The following PANK4 variants were observed in gnomAD, a reference collection of about 807,000 sequenced individuals.
The protein encoded by PANK4 is 4'-phosphopantetheine phosphatase.
A neutral mutation model predicts 87.9 loss-of-function variants in PANK4; 40 were observed. The observed-to-expected ratio is 0.46, with a 90% CI of 0.35 to 0.59. PANK4 has a LOEUF of 0.59. Ranked by LOEUF, PANK4 falls within the 20% of genes least tolerant of loss-of-function variation. The pLI is 0.00. For synonymous variants in PANK4, 524 were observed against 467.4 expected (o/e 1.12, Z -1.56); for missense variants, 926 against 1,072.3 (o/e 0.86, Z 1.90).
rs1335611490 is a variant in PANK4, at chr1:2,517,018, C to T, written c.1218+1146G>A. ...ACAAGCGCCTCCTGAACGGGGCCCC[C>T]GAAGCACTGTGGCCGTCCACGCAGT... is the stretch of plus-strand genomic sequence containing the variant. On this transcript the variant is annotated intron_variant, in intron 9 of 18. Coordinates refer to ENST00000378466, the MANE Select transcript of PANK4 (RefSeq NM_018216.4). Among the ~76,000 whole-genome samples the T allele has an allele frequency of 3.9e-5, 6 of 152,218 alleles. 1 individual carries two copies. Among genetic ancestry groups the T allele is most frequent in the Non-Finnish European group, 8.8e-5 (6 of 68,034 alleles).
Position 2,510,441 on chromosome 1 carries a change from A to G in PANK4, c.1938+237T>C, listed in dbSNP as rs528509979. ...GCCTCCTTGCTGTGAGCACCCTTCCAGGAGCCTGGCGTCAACCCTGGGCTT... is the reference window on the plus strand; with the variant it reads ...GCCTCCTTGCTGTGAGCACCCTTCCGGGAGCCTGGCGTCAACCCTGGGCTT... On this transcript the variant is annotated intron_variant, in intron 16 of 18. Transcript: ENST00000378466. This position sits in a 1 kb window ranked among gnomAD's most constrained non-coding sequence, Gnocchi z 4.9. 1.0e-5 allele frequency: 6 copies of G among 596,714 alleles called. No individual in the cohort carries two copies. The highest frequency in any genetic ancestry group is 1.5e-5 in the Non-Finnish European group (5 of 335,202). The allele number at this position is 596,714 out of a possible 1,614,324, so 37.0% of individuals were successfully genotyped here. A position where few individuals can be genotyped will look rare whatever the true frequency, so the allele number is the denominator to read the frequency against.
At position 2,509,207 on chromosome 1, in the gene PANK4, C is replaced by G. The variant is rs891825232; in HGVS notation, c.2109-147G>C. ...TCCAAACCCAGCCTCCGCCTGGTAG[C>G]TGCCTCAGCCTGGGGCTTCCTCAGA... On this transcript the variant is annotated intron_variant, in intron 18 of 18. Transcript: ENST00000378466. This position sits in a 1 kb window ranked among gnomAD's most constrained non-coding sequence, Gnocchi z 4.9. 1.6e-6 allele frequency: 1 copy of G among 639,716 alleles called. No individual in the cohort carries two copies. Among genetic ancestry groups the G allele is most frequent in the Non-Finnish European group, 2.7e-6 (1 of 369,996 alleles). The allele number at this position is 639,716 out of a possible 1,614,324, so 39.6% of individuals were successfully genotyped here. A position where few individuals can be genotyped will look rare whatever the true frequency, so the allele number is the denominator to read the frequency against.
rs765919340 is a variant in PANK4 at position 2,510,717 on chromosome 1, G to A, written c.1899C>T (p.Val633=). The change falls in exon 16 of 19, where the codon GTC becomes GTT. Residue 633 remains valine, a synonymous_variant. Coordinates refer to ENST00000378466, the MANE Select transcript of PANK4 (RefSeq NM_018216.4). This position sits in a 1 kb window ranked among gnomAD's most constrained non-coding sequence, Gnocchi z 4.9. ...GGAGTAGCTCCCTGACAAAGGGGAA[G>A]ACTCCCAAAATGATGTCTATTCCAC... ...DNSGIDIILG[V]FPFVRELLLR... is the part of the protein sequence containing the mutation. 11 of 1,611,794 alleles carry A rather than the reference G, an allele frequency of 6.8e-6. No homozygotes were observed. The highest frequency in any genetic ancestry group is 9.3e-6 in the Non-Finnish European group (11 of 1,178,622).
intron 9 of PANK4, among the ~76,000 whole-genome samples, chr1:2,516,846 T>C (rs1233032137): frequency 6.6e-6 from 1 of 152,340 alleles, no homozygotes; most frequent in South Asian, 2.1e-4. Flanking sequence ...TCCTGACAAA[T>C]GGGTTCAAAT....
At chr1:2,513,518 C>T (rs949800355) in intron 12 of PANK4, among the ~76,000 whole-genome samples, 6 of 152,210 alleles carry the variant, frequency 3.9e-5, no homozygotes, top group Non-Finnish European at 5.9e-5. Context: ...AACGGACGCC[C>T]GGAAAGGCCC....
At chr1:2,516,470 C>T (rs777066556) in intron 9 of PANK4, among the ~76,000 whole-genome samples, 14 of 152,334 alleles carry the variant, frequency 9.2e-5, no homozygotes, top group East Asian at 5.8e-4. Context: ...GCTCTCTGCA[C>T]GCTCACCGCA....
Position 2,520,605 on chromosome 1 carries a change from C to G in PANK4, c.606+118G>C. On this transcript the variant is annotated intron_variant, in intron 4 of 18. Coordinates refer to ENST00000378466, the MANE Select transcript of PANK4 (RefSeq NM_018216.4). This position sits in a 1 kb window ranked among gnomAD's most constrained non-coding sequence, Gnocchi z 6.2. Reference sequence around the variant, plus strand: ...AGGCTCTGAGCTCACAGCCTCGCCACCCCCCTCCCGCCCACTGGGCCCCAT... The same window carrying G: ...AGGCTCTGAGCTCACAGCCTCGCCAGCCCCCTCCCGCCCACTGGGCCCCAT... 1 of 1,129,120 alleles carries G rather than the reference C, an allele frequency of 8.9e-7. No homozygotes were observed. The highest frequency in any genetic ancestry group is 1.3e-6 in the Non-Finnish European group (1 of 770,070). 69.9% of individuals were successfully genotyped at this position (1,129,120 alleles called of 1,614,324 possible). A position where few individuals can be genotyped will look rare whatever the true frequency, so the allele number is the denominator to read the frequency against.
Position 2,515,523 on chromosome 1 carries a change from C to G in PANK4, c.1374+39G>C. ...GAGCCTTGGAAGGTTAACCCGGCTGCGGCCTTGGAATCGTCTAGACGGCAC... is the reference window on the plus strand; with the variant it reads ...GAGCCTTGGAAGGTTAACCCGGCTGGGGCCTTGGAATCGTCTAGACGGCAC... On this transcript the variant is annotated intron_variant, in intron 10 of 18. Transcript: ENST00000378466. This position sits in a 1 kb window ranked among gnomAD's most constrained non-coding sequence, Gnocchi z 5.0. 6.2e-7 allele frequency: 1 copy of G among 1,604,088 alleles called. No homozygotes were observed. The highest frequency in any genetic ancestry group is 8.5e-7 in the Non-Finnish European group (1 of 1,172,838).
At position 2,510,487 on chromosome 1, in the gene PANK4, T is replaced by A. The variant is rs540923630; in HGVS notation, c.1938+191A>T. 3 of 608,566 alleles carry A rather than the reference T, an allele frequency of 4.9e-6. No individual in the cohort carries two copies. Among genetic ancestry groups the A allele is most frequent in the South Asian group, 3.9e-5 (2 of 51,340 alleles). 37.7% of individuals were successfully genotyped at this position (608,566 alleles called of 1,614,324 possible). A position where few individuals can be genotyped will look rare whatever the true frequency, so the allele number is the denominator to read the frequency against. On this transcript the variant is annotated intron_variant, in intron 16 of 18. Transcript: ENST00000378466. This position sits in a 1 kb window ranked among gnomAD's most constrained non-coding sequence, Gnocchi z 4.9. ...GGCTTCAGCACATGGACCCTCAGCCTGAGCCCAGGGGGCTCGGAGCCTCCA... is the reference window on the plus strand; with the variant it reads ...GGCTTCAGCACATGGACCCTCAGCCAGAGCCCAGGGGGCTCGGAGCCTCCA...
In PANK4 at chr1:2,514,213, T is replaced by C; in HGVS notation, c.1488-124A>G. 3.6e-6 allele frequency: 4 copies of C among 1,123,784 alleles called. No homozygotes were observed. The East Asian group carries it at 7.1e-5, about 20-fold the overall frequency. The allele number at this position is 1,123,784 out of a possible 1,614,324, so 69.6% of individuals were successfully genotyped here. On this transcript the variant is annotated intron_variant, in intron 11 of 18. Coordinates refer to ENST00000378466, the MANE Select transcript of PANK4 (RefSeq NM_018216.4). ...AGTGCAAACGCTGCTTGAGGCGGGG[T>C]CCAAGGGGGCTGTGCCGCCAGGGCC...
At chr1:2,514,220 G>T in intron 11 of PANK4, 131 bp from the exon 12 acceptor site, 1 of 1,105,106 alleles carries the variant, frequency 9.0e-7, no homozygotes, top group Non-Finnish European at 1.4e-6. Flanking sequence ...GGGTCCAAGG[G>T]GGCTGTGCCG....
At position 2,520,428 on chromosome 1, in the gene PANK4, A is replaced by G. The variant is rs745697249; in HGVS notation, c.607-14T>C. The stretch of plus-strand genomic sequence containing the variant: ...CTCCGTCTCCACCTGCAACAGAGCC[A>G]GGGCAGGTGTGCCCTCAGTGGGCCC... On this transcript the variant is annotated splice_polypyrimidine_tract_variant and intron_variant, in intron 4 of 18. Coordinates refer to ENST00000378466, the MANE Select transcript of PANK4 (RefSeq NM_018216.4). The surrounding 1 kb of genome is among the most constrained non-coding windows in gnomAD (Gnocchi z 6.2). 1 of 1,609,212 alleles carries G rather than the reference A, an allele frequency of 6.2e-7. No homozygotes were observed. Among genetic ancestry groups the G allele is most frequent in the East Asian group, 2.2e-5 (1 of 44,854 alleles).
rs375754008 is a variant in PANK4 at position 2,509,971 on chromosome 1, G to C, written c.2040-41C>G. The C allele has an allele frequency of 2.8e-5, 45 of 1,594,498 alleles. No homozygotes were observed. Among genetic ancestry groups the C allele is most frequent in the Non-Finnish European group, 3.6e-5 (42 of 1,168,468 alleles). ...TGGTCAGTGCCCCCAGGAGCTCCCA[G>C]TTCAGTGACAATCCCCATGGCCCAC... On this transcript the variant is annotated intron_variant, in intron 17 of 18. Transcript: ENST00000378466. This position sits in a 1 kb window ranked among gnomAD's most constrained non-coding sequence, Gnocchi z 4.9.
chr1:2,525,476 G>A (rs1024864490), intron 1 of PANK4: 18 of 152,160 alleles, frequency 1.2e-4, no homozygotes, highest in African/African-American at 3.9e-4. Flanking sequence ...GGTTTCTCCA[G>A]GTGAAGCTGC....
intron 12 of PANK4, 129 bp from the exon 13 acceptor site, chr1:2,513,168 A>C: frequency 1.1e-6 from 1 of 951,132 alleles, no homozygotes; most frequent in Non-Finnish European, 1.6e-6. Context: ...CTGGGACCCC[A>C]CCAGGCACAA....
In PANK4 at chr1:2,520,230, G is replaced by T; in HGVS notation, c.699+92C>A. The T allele has an allele frequency of 8.3e-7, 1 of 1,210,862 alleles. No homozygotes were observed. Among genetic ancestry groups the T allele is most frequent in the East Asian group, 2.3e-5 (1 of 42,568 alleles). The allele number at this position is 1,210,862 out of a possible 1,614,324, so 75.0% of individuals were successfully genotyped here. Reference sequence around the variant, plus strand: ...CGCGAGTCAGGAGGGAGGCCCGGAAGCAGCTTTTGCACCGCCCAGCTGCAG... The same window carrying T: ...CGCGAGTCAGGAGGGAGGCCCGGAATCAGCTTTTGCACCGCCCAGCTGCAG... On this transcript the variant is annotated intron_variant, in intron 5 of 18. Coordinates refer to ENST00000378466, the MANE Select transcript of PANK4 (RefSeq NM_018216.4). This position sits in a 1 kb window ranked among gnomAD's most constrained non-coding sequence, Gnocchi z 6.2.
At chr1:2,521,577 G>A in intron 2 of PANK4, 141 bp downstream of exon 2, 1 of 794,022 alleles carries the variant, frequency 1.3e-6, no homozygotes. Context: ...CGGAAGGCAG[G>A]GGAGGCTGTC....
rs1281539560 is a variant in PANK4 at position 2,515,373 on chromosome 1, C to T, written c.1374+189G>A. The T allele has an allele frequency of 1.4e-6, 1 of 710,730 alleles. No individual in the cohort carries two copies. The highest frequency in any genetic ancestry group is 1.5e-5 in the South Asian group (1 of 67,134). 44.0% of individuals were successfully genotyped at this position (710,730 alleles called of 1,614,324 possible). A position where few individuals can be genotyped will look rare whatever the true frequency, so the allele number is the denominator to read the frequency against. On this transcript the variant is annotated intron_variant, in intron 10 of 18. Transcript: ENST00000378466. This position sits in a 1 kb window ranked among gnomAD's most constrained non-coding sequence, Gnocchi z 5.0. Reference sequence around the variant, plus strand: ...CGCAGACGCCACGTCCTCACTGACCCACCAGGTGGCCAGGAGCGGTATTTT... The same window carrying T: ...CGCAGACGCCACGTCCTCACTGACCTACCAGGTGGCCAGGAGCGGTATTTT...
chr1:2,518,686 C>T (rs1199350489), intron 7 of PANK4, 89 bp from the exon 8 acceptor site: 12 of 1,119,228 alleles, frequency 1.1e-5, no homozygotes, highest in African/African-American at 7.7e-5. Context: ...GGGCCTCGCA[C>T]CGCGCGGCCC....
Sources: gnomAD v4.1 joint callset for allele counts (sites outside exome capture counted in the v4.1 genomes callset) on GRCh38, gnomAD v4.1.1 for gene constraint, Gnocchi (gnomAD v3.1) non-coding constraint, MANE v1.5 for transcripts, NCBI Gene and HGNC (gene_info 2026-07-23, HGNC 2026-07-21) for gene names.